The following ROCK1 variants were observed in gnomAD, a reference collection of about 807,000 sequenced individuals.
ROCK1 encodes the protein Rho associated coiled-coil containing protein kinase 1.
A neutral mutation model predicts 196.8 loss-of-function variants in ROCK1; 36 were observed. That is an observed-to-expected ratio of 0.18 (90% CI 0.14 to 0.24). The LOEUF is 0.24. ROCK1 is among the 10% of genes least tolerant of loss of function. ROCK1 has a pLI of 1.00. For missense variants in ROCK1, 920 were observed against 1,562.0 expected (o/e 0.59, Z 6.93); for synonymous variants, 443 against 515.9 (o/e 0.86, Z 1.91).
chr18:20,992,065 G>A (rs1156828140), intron 17 of ROCK1, among the ~76,000 whole-genome samples: 2 of 152,106 alleles, frequency 1.3e-5, no homozygotes, highest in South Asian at 2.1e-4. Flanking sequence ...AGTATCCTGT[G>A]GCAAGTCATT....
chr18:21,002,689 T>C (rs544390132), intron 16 of ROCK1, among the ~76,000 whole-genome samples: 14 of 152,302 alleles, frequency 9.2e-5, no homozygotes, highest in South Asian at 6.2e-4. Flanking sequence ...TGATCATCAA[T>C]GGCTACTAAC....
At chr18:20,977,986 C>T (rs891447313) in intron 22 of ROCK1, among the ~76,000 whole-genome samples, 36 of 152,066 alleles carry the variant, frequency 2.4e-4, no homozygotes, top group African/African-American at 8.0e-4. Flanking sequence ...TGTTTATACC[C>T]GCTGTGATGC....
intron 16 of ROCK1, among the ~76,000 whole-genome samples, chr18:20,997,577 C>A (rs905267947): frequency 6.6e-6 from 1 of 152,160 alleles, no homozygotes; most frequent in African/African-American, 2.4e-5. Flanking sequence ...CTGGACAGAT[C>A]ACCTAGACAG....
In ROCK1 at chr18:21,042,711, T is replaced by TA. The variant is rs756770712; in HGVS notation, c.676-3dup. On this transcript the variant is annotated splice_region_variant and splice_polypyrimidine_tract_variant and intron_variant, in intron 6 of 32. Coordinates refer to ENST00000399799, the MANE Select transcript of ROCK1 (RefSeq NM_005406.3). ...TGTATCACATCGTACCATGCCTTCCTAAAAAGCGCGGCAGGTCAAATTTTG... is the reference window on the plus strand; with the variant it reads ...TGTATCACATCGTACCATGCCTTCCTAAAAAAGCGCGGCAGGTCAAATTTTG... 5.7e-6 allele frequency: 9 copies of TA among 1,592,682 alleles called. No homozygotes were observed. The highest frequency in any genetic ancestry group is 7.7e-6 in the Non-Finnish European group (9 of 1,170,994).
intron 10 of ROCK1, among the ~76,000 whole-genome samples, chr18:21,024,930 G>A (rs1294879084): frequency 1.3e-5 from 2 of 152,214 alleles, no homozygotes; most frequent in Non-Finnish European, 2.9e-5. Context: ...TTCAATGTGA[G>A]ATTCTGCTTA....
chr18:20,975,545 C>T (rs1308735694), intron 22 of ROCK1, among the ~76,000 whole-genome samples: 9 of 152,094 alleles, frequency 5.9e-5, no homozygotes. Context: ...AATAAATGGA[C>T]AATTTATGAC....
At chr18:21,057,632 G>C (rs2036254782) in intron 2 of ROCK1, among the ~76,000 whole-genome samples, 1 of 152,028 alleles carries the variant, frequency 6.6e-6, no homozygotes, top group Non-Finnish European at 1.5e-5. Context: ...GACCAGCCTG[G>C]CCAACATGGC....
At chr18:20,959,206 T>C (rs2035301639) in intron 29 of ROCK1, among the ~76,000 whole-genome samples, 1 of 78,898 alleles carries the variant, frequency 1.3e-5, no homozygotes, top group Admixed American at 2.2e-4. Context: ...ATATAATACA[T>C]ATAATATATA....
At chr18:21,070,076 A>G in intron 2 of ROCK1, among the ~76,000 whole-genome samples, 1 of 149,338 alleles carries the variant, frequency 6.7e-6, no homozygotes, top group East Asian at 1.9e-4. Flanking sequence ...AAATAAATAA[A>G]GTAAGGAGGA....
At position 20,967,873 on chromosome 18, in the gene ROCK1, G is replaced by A; in HGVS notation, c.3071C>T (p.Thr1024Ile). ...DFKIDRKKANTQDLRKKEKEN... is the reference protein window; with the variant it reads ...DFKIDRKKANIQDLRKKEKEN... ...CTTTTCTTTCTTTCTCAAATCTTGT[G>A]TATTAGCTTTCTTTCTATCAATTTT... The change falls in exon 26 of 33, where the codon ACA becomes ATA. Residue 1024 changes from threonine to isoleucine, a missense_variant. By Grantham distance (89) the Thr-to-Ile change is moderately conservative. Transcript: ENST00000399799. The A allele has an allele frequency of 6.2e-7, 1 of 1,600,348 alleles. No homozygotes were observed. The highest frequency in any genetic ancestry group is 2.2e-5 in the East Asian group (1 of 44,600).
In ROCK1 at chr18:21,070,690, T is replaced by C. The variant is rs979004232; in HGVS notation, c.94-77A>G. 9.4e-6 allele frequency: 8 copies of C among 847,502 alleles called. No homozygotes were observed. The Admixed American group carries it at 1.8e-4, about 19-fold the overall frequency. 52.5% of individuals were successfully genotyped at this position (847,502 alleles called of 1,614,324 possible). A position where few individuals can be genotyped will look rare whatever the true frequency, so the allele number is the denominator to read the frequency against. On this transcript the variant is annotated intron_variant, in intron 1 of 32. Coordinates refer to ENST00000399799, the MANE Select transcript of ROCK1 (RefSeq NM_005406.3). The stretch of plus-strand genomic sequence containing the variant: ...TCCTTTTTTATGAAAGAATAAAATA[T>C]ACGCTTTAATATTTAATTTCCCCTA...
chr18:20,975,286 A>C (rs751973722), intron 22 of ROCK1, among the ~76,000 whole-genome samples: 2 of 152,202 alleles, frequency 1.3e-5, no homozygotes, highest in Admixed American at 1.3e-4. Context: ...GGACCTGGAG[A>C]AGGGCCAAGG....
intron 17 of ROCK1, 43 bp from the exon 18 acceptor site, chr18:20,991,369 G>A (rs1056985749): frequency 1.2e-5 from 16 of 1,320,426 alleles, no homozygotes; most frequent in Non-Finnish European, 1.7e-5. Context: ...CTGTGCAGAA[G>A]GCATGCATGT....
At chr18:21,053,581 A>G (rs1431582962) in intron 2 of ROCK1, among the ~76,000 whole-genome samples, 1 of 152,202 alleles carries the variant, frequency 6.6e-6, no homozygotes, top group Non-Finnish European at 1.5e-5. Context: ...CACACCTGTA[A>G]TCCCAGTGCT....
At chr18:20,994,726 C>G (rs1024321096) in intron 16 of ROCK1, among the ~76,000 whole-genome samples, 4 of 152,100 alleles carry the variant, frequency 2.6e-5, no homozygotes, top group Non-Finnish European at 5.9e-5. Context: ...TCCTAGCAAC[C>G]ACATGAAAGA....
chr18:21,086,761 G>GAA (rs1307007720), intron 1 of ROCK1, among the ~76,000 whole-genome samples: 5 of 107,744 alleles, frequency 4.6e-5, no homozygotes, highest in African/African-American at 6.7e-5. Flanking sequence ...TACATCCACT[G>GAA]AAAAAAAAAA....
chr18:21,027,886 C>T (rs538290988), intron 10 of ROCK1, among the ~76,000 whole-genome samples: 161 of 144,524 alleles, frequency 1.1e-3, no homozygotes, highest in African/African-American at 3.6e-3. Context: ...CTCAGCCTCC[C>T]GAGTAGCTGG....
intron 13 of ROCK1, among the ~76,000 whole-genome samples, chr18:21,009,745 T>G (rs897051832): frequency 2.0e-5 from 3 of 152,224 alleles, no homozygotes; most frequent in African/African-American, 7.2e-5. Context: ...ACTTACTTTT[T>G]TTCATGGTTA....
At chr18:21,080,675 A>C (rs2036475629) in intron 1 of ROCK1, among the ~76,000 whole-genome samples, 5 of 152,214 alleles carry the variant, frequency 3.3e-5, no homozygotes, top group African/African-American at 1.2e-4. Context: ...GCAAATAGTA[A>C]ATAAAAAAAG....
Sources: gnomAD v4.1 joint callset for allele counts (sites outside exome capture counted in the v4.1 genomes callset) on GRCh38, gnomAD v4.1.1 for gene constraint, MANE v1.5 for transcripts, NCBI Gene and HGNC (gene_info 2026-07-23, HGNC 2026-07-21) for gene names.